SV2C: variants seen among roughly 807,000 people sequenced by gnomAD.
SV2C encodes solute carrier family 22 member B3.
In SV2C, 49 loss-of-function variants were observed where a neutral mutation model predicts 79.7. That is an observed-to-expected ratio of 0.61 (90% CI 0.49 to 0.78). The LOEUF (loss-of-function observed/expected upper bound fraction) is 0.78. Ranked by LOEUF, SV2C falls within the 30% of genes least tolerant of loss-of-function variation. SV2C has a pLI of 0.00. For missense variants in SV2C, 833 were observed against 912.9 expected (o/e 0.91, Z 1.13); for synonymous variants, 334 against 333.2 (o/e 1.00, Z -0.03).
intron 2 of SV2C, among the ~76,000 whole-genome samples, chr5:76,166,607 G>GA (rs1426455467): frequency 4.6e-5 from 7 of 151,960 alleles, no homozygotes; most frequent in African/African-American, 1.2e-4. Context: ...TAGGAGCTAG[G>GA]GTCAAACCAG....
At chr5:76,030,289 T>TTTTTTTTTTTTTTTATTTA in the SV2C span, among the ~76,000 whole-genome samples, 18 of 117,910 alleles carry the variant, frequency 1.5e-4, 1 homozygote, top group African/African-American at 7.0e-4. Flanking sequence ...TTTTTTTTTT[T>TTTTTTTTTTTTTTTATTTA]TTTATTTATT....
At chr5:76,030,230 T>G in the SV2C span, among the ~76,000 whole-genome samples, 1 of 150,028 alleles carries the variant, frequency 6.7e-6, no homozygotes, top group Non-Finnish European at 1.5e-5. Context: ...GGTTTAATAA[T>G]TTTCCTACAA....
At chr5:76,282,421 T>A (rs1002319777) in intron 4 of SV2C, among the ~76,000 whole-genome samples, 1 of 152,242 alleles carries the variant, frequency 6.6e-6, no homozygotes, top group Admixed American at 6.5e-5. Context: ...TGGCGCAGTC[T>A]GGGACCCCAG....
chr5:76,232,144 T>A (rs1365085548), intron 4 of SV2C, among the ~76,000 whole-genome samples: 14 of 149,220 alleles, frequency 9.4e-5, no homozygotes, highest in East Asian at 7.7e-4. Flanking sequence ...CTGGTGTGAG[T>A]TGGTATCTCA....
chr5:76,285,076 G>T, intron 4 of SV2C, 86 bp from the exon 5 acceptor site: 1 of 1,564,358 alleles, frequency 6.4e-7, no homozygotes, highest in Non-Finnish European at 8.7e-7. Flanking sequence ...TGACTAATAA[G>T]TCCATGGTTC....
the SV2C span, among the ~76,000 whole-genome samples, chr5:75,981,893 C>A: frequency 6.6e-6 from 1 of 152,046 alleles, no homozygotes; most frequent in African/African-American, 2.4e-5. Context: ...TAAAGAGCTT[C>A]TGGACAGCAA....
intron 1 of SV2C, among the ~76,000 whole-genome samples, chr5:76,085,852 C>CACAT (rs1747174500): frequency 6.6e-6 from 1 of 151,774 alleles, no homozygotes; most frequent in African/African-American, 2.4e-5. Context: ...CACACACACA[C>CACAT]ACACACAGAA....
At chr5:75,967,687 G>A in the SV2C span, among the ~76,000 whole-genome samples, 9 of 152,368 alleles carry the variant, frequency 5.9e-5, no homozygotes, top group Middle Eastern at 6.8e-3. Flanking sequence ...CTCGAACTGG[G>A]TGGACCCCAC....
At chr5:75,928,902 A>G in the SV2C span, among the ~76,000 whole-genome samples, 1 of 152,124 alleles carries the variant, frequency 6.6e-6, no homozygotes, top group Admixed American at 6.6e-5. Context: ...GGATAGTACA[A>G]TTGGAATATT....
chr5:76,199,478 G>A (rs903496857), intron 3 of SV2C, among the ~76,000 whole-genome samples: 1 of 152,148 alleles, frequency 6.6e-6, no homozygotes, highest in African/African-American at 2.4e-5. Flanking sequence ...CACACCCAGT[G>A]GGTCTCAGAG....
chr5:76,238,943 G>A (rs1292500165), intron 4 of SV2C, among the ~76,000 whole-genome samples: 1 of 152,118 alleles, frequency 6.6e-6, no homozygotes, highest in Non-Finnish European at 1.5e-5. Context: ...GCTTGGCTGG[G>A]GAGAAGTCTG....
the SV2C span, among the ~76,000 whole-genome samples, chr5:76,022,582 G>T: frequency 9.9e-5 from 15 of 152,174 alleles, no homozygotes; most frequent in African/African-American, 3.4e-4. Context: ...CACAATGGCT[G>T]ACCTTCTGTA....
chr5:76,142,613 A>G (rs185018463), intron 2 of SV2C, among the ~76,000 whole-genome samples: 262 of 152,324 alleles, frequency 1.7e-3, no homozygotes, highest in African/African-American at 5.9e-3. Context: ...TGCTTATTAT[A>G]TGAAAATAAT....
the SV2C span, among the ~76,000 whole-genome samples, chr5:75,854,927 C>G: frequency 2.0e-5 from 3 of 152,134 alleles, no homozygotes; most frequent in African/African-American, 7.2e-5. Context: ...CCCCAGCCCC[C>G]AGCTGGATTG....
At chr5:76,176,330 A>G (rs993078094) in intron 2 of SV2C, among the ~76,000 whole-genome samples, 4 of 152,162 alleles carry the variant, frequency 2.6e-5, no homozygotes, top group Non-Finnish European at 5.9e-5. Flanking sequence ...GTTTTGTTTC[A>G]TCCTGTCTCA....
chr5:76,205,148 CGTGT>C (rs3073534), intron 3 of SV2C, among the ~76,000 whole-genome samples: 3 of 149,058 alleles, frequency 2.0e-5, no homozygotes, highest in Admixed American at 2.0e-4. Context: ...AGGTGTTGTG[CGTGT>C]GTGTGTGTGT....
the SV2C span, among the ~76,000 whole-genome samples, chr5:75,970,378 T>A: frequency 6.6e-6 from 1 of 151,970 alleles, no homozygotes; most frequent in African/African-American, 2.4e-5. Context: ...AATCAATGAA[T>A]CCAGGAGCTG....
chr5:76,024,737 G>A, the SV2C span, among the ~76,000 whole-genome samples: 2 of 152,046 alleles, frequency 1.3e-5, no homozygotes, highest in Non-Finnish European at 2.9e-5. Context: ...CCAAATTCAG[G>A]CATATTCAAG....
chr5:76,184,977 C>G (rs1743867838), intron 2 of SV2C, among the ~76,000 whole-genome samples: 1 of 152,188 alleles, frequency 6.6e-6, no homozygotes, highest in African/African-American at 2.4e-5. Flanking sequence ...CCTGTAAAAT[C>G]AAAAGCAAGT....
Sources: allele counts gnomAD v4.1 joint callset (sites outside exome capture counted in the v4.1 genomes callset), GRCh38; gene constraint gnomAD v4.1.1; transcripts MANE v1.5; gene names NCBI Gene and HGNC (gene_info 2026-07-23, HGNC 2026-07-21).